Variants in GALNT18 observed in about 807,000 individuals in gnomAD.
GALNT18 encodes the protein GalNAc-transferase 18.
A neutral mutation model predicts 69.5 loss-of-function variants in GALNT18; 44 were observed. The ratio of observed to expected loss-of-function variants is 0.63; its 90% confidence interval spans 0.50 to 0.81. The LOEUF (loss-of-function observed/expected upper bound fraction) is 0.81, where lower values mean the gene tolerates loss of function less well. Ranked by LOEUF, GALNT18 falls within the 40% of genes least tolerant of loss-of-function variation. The probability of loss-of-function intolerance (pLI) is 0.00; values close to 1 mark genes in which losing one functional copy is unlikely to be tolerated. For missense variants in GALNT18, 715 were observed against 810.0 expected (o/e 0.88, Z 1.42); for synonymous variants, 364 against 318.2 (o/e 1.14, Z -1.53).
chr11:11,287,002 G>C (rs1049857707), intron 10 of GALNT18, among the ~76,000 whole-genome samples: 1 of 152,112 alleles, frequency 6.6e-6, no homozygotes, highest in Non-Finnish European at 1.5e-5. Context: ...TTGACAACCT[G>C]CTGATGGTCC....
chr11:11,282,058 ATTATAAAAGG>A lies in GALNT18; in HGVS notation c.1678-10778_1678-10769del, dbSNP rs562990504. Among the ~76,000 whole-genome samples the A allele has an allele frequency of 1.1e-3, 165 of 152,212 alleles. 1 individual carries two copies. The highest frequency in any genetic ancestry group is 3.9e-3 in the African/African-American group (160 of 41,468). On this transcript the variant is annotated intron_variant, in intron 10 of 10. Transcript: ENST00000227756. ...TTGATGCTGGAGCTCTTCAACAAAA[ATTATAAAAGG>A]TTAAAGTTTAAAACTTGCTTAAACT...
intron 1 of GALNT18, among the ~76,000 whole-genome samples, chr11:11,455,632 G>A (rs915891454): frequency 5.3e-5 from 8 of 152,114 alleles, no homozygotes; most frequent in African/African-American, 1.9e-4. Flanking sequence ...AGCATCCAGA[G>A]CCTCAGCAGG....
At chr11:11,458,555 C>G (rs1163841518) in intron 1 of GALNT18, among the ~76,000 whole-genome samples, 1 of 152,202 alleles carries the variant, frequency 6.6e-6, no homozygotes, top group Admixed American at 6.5e-5. Flanking sequence ...TGAGAAGTCA[C>G]CATTATTCCC....
At chr11:11,287,713 A>T (rs1357458836) in intron 10 of GALNT18, among the ~76,000 whole-genome samples, 1 of 152,172 alleles carries the variant, frequency 6.6e-6, no homozygotes, top group Non-Finnish European at 1.5e-5. Flanking sequence ...AACAGGAAAA[A>T]ATCACTGAAG....
intron 1 of GALNT18, among the ~76,000 whole-genome samples, chr11:11,517,790 C>T (rs1857314150): frequency 6.6e-6 from 1 of 152,126 alleles, no homozygotes; most frequent in African/African-American, 2.4e-5. Flanking sequence ...CTACCCCAGC[C>T]CCCAAGCTTC....
chr11:11,322,357 C>A (rs114460711), intron 9 of GALNT18, among the ~76,000 whole-genome samples: 1 of 152,204 alleles, frequency 6.6e-6, no homozygotes, highest in African/African-American at 2.4e-5. Flanking sequence ...GAACTGGCAG[C>A]CTCTGCTCAG....
At chr11:11,437,594 C>T (rs751993911) in intron 2 of GALNT18, among the ~76,000 whole-genome samples, 7 of 152,038 alleles carry the variant, frequency 4.6e-5, no homozygotes, top group Non-Finnish European at 7.4e-5. Flanking sequence ...AGGTAAAGCC[C>T]AGTTCTCGGC....
At position 11,497,987 on chromosome 11, in the gene GALNT18, T is replaced by C. The variant is rs1856901126; in HGVS notation, c.236-49051A>G. 6.6e-6 allele frequency among the ~76,000 whole-genome samples: 1 copy of C among 152,180 alleles called. No individual in the cohort carries two copies. Among genetic ancestry groups the C allele is most frequent in the Admixed American group, 6.5e-5 (1 of 15,284 alleles). ...TAAAATTATAATTCATGACTTTTTA[T>C]ATCATCTATGATTTCCAAATTTGGC... On this transcript the variant is annotated intron_variant, in intron 1 of 10. Coordinates refer to ENST00000227756, the MANE Select transcript of GALNT18 (RefSeq NM_198516.3). This position sits in a 1 kb window ranked among gnomAD's most constrained non-coding sequence, Gnocchi z 4.2.
chr11:11,499,871 C>A (rs1773474038), intron 1 of GALNT18, among the ~76,000 whole-genome samples: 1 of 152,198 alleles, frequency 6.6e-6, no homozygotes, highest in Admixed American at 6.5e-5. Context: ...GGGTCTCCAA[C>A]ACCAGGTATC....
At chr11:11,572,513 T>C (rs917601168) in intron 1 of GALNT18, among the ~76,000 whole-genome samples, 65 of 152,196 alleles carry the variant, frequency 4.3e-4, no homozygotes, top group African/African-American at 1.5e-3. Context: ...GGATGTGAAC[T>C]TGGGCATGAG....
At chr11:11,518,703 T>C (rs192256584) in intron 1 of GALNT18, among the ~76,000 whole-genome samples, 23 of 152,358 alleles carry the variant, frequency 1.5e-4, no homozygotes, top group Admixed American at 7.8e-4. Context: ...GGTCTCTGGC[T>C]TTTCATTAAG....
At chr11:11,376,157 T>A (rs1313594052) in intron 5 of GALNT18, among the ~76,000 whole-genome samples, 1 of 151,660 alleles carries the variant, frequency 6.6e-6, no homozygotes, top group Non-Finnish European at 1.5e-5. Context: ...CCGAGGCGGG[T>A]AGATCACGAG....
At chr11:11,554,126 C>A (rs1391921320) in intron 1 of GALNT18, among the ~76,000 whole-genome samples, 2 of 152,222 alleles carry the variant, frequency 1.3e-5, no homozygotes, top group African/African-American at 4.8e-5. Flanking sequence ...TGACTGGCGG[C>A]TTCTTCCCGA....
chr11:11,409,515 G>T (rs796066598), intron 3 of GALNT18, among the ~76,000 whole-genome samples: 16 of 152,138 alleles, frequency 1.1e-4, no homozygotes, highest in African/African-American at 3.9e-4. Context: ...GCTCAGCCAG[G>T]TCCTCTAGGG....
chr11:11,341,643 T>C lies in GALNT18; in HGVS notation c.1093-639A>G, dbSNP rs1456996330. Among the ~76,000 whole-genome samples, 1 of 152,230 alleles carries C rather than the reference T, an allele frequency of 6.6e-6. No homozygotes were observed. Among genetic ancestry groups the C allele is most frequent in the Non-Finnish European group, 1.5e-5 (1 of 68,048 alleles). ...AATTAGATTTTGAAAGATAAACCTTTGCATTCTAAGTGTTAATGGGCAGCA... is the reference window on the plus strand; with the variant it reads ...AATTAGATTTTGAAAGATAAACCTTCGCATTCTAAGTGTTAATGGGCAGCA... On this transcript the variant is annotated intron_variant, in intron 6 of 10. Transcript: ENST00000227756. This position sits in a 1 kb window ranked among gnomAD's most constrained non-coding sequence, Gnocchi z 6.3.
At chr11:11,299,327 G>A (rs1395274533) in intron 9 of GALNT18, among the ~76,000 whole-genome samples, 1 of 152,008 alleles carries the variant, frequency 6.6e-6, no homozygotes, top group Admixed American at 6.6e-5. Flanking sequence ...TTTACTTTTA[G>A]TAGGGACAGG....
chr11:11,350,710 A>G lies in GALNT18; in HGVS notation c.1093-9706T>C, dbSNP rs74685294. On this transcript the variant is annotated intron_variant, in intron 6 of 10. Transcript: ENST00000227756. The stretch of plus-strand genomic sequence containing the variant: ...CACTTCCCGGGGAAGGCAGGTGACT[A>G]TCCAGTGTGTCTCCTTAGGTGCACT... Among the ~76,000 whole-genome samples, 512 of 152,246 alleles carry G rather than the reference A, an allele frequency of 3.4e-3. 2 individuals are homozygous for G. The highest frequency in any genetic ancestry group is 0.012 in the African/African-American group (483 of 41,538).
At chr11:11,394,440 C>T (rs1854273925) in intron 3 of GALNT18, among the ~76,000 whole-genome samples, 1 of 152,296 alleles carries the variant, frequency 6.6e-6, no homozygotes, top group African/African-American at 2.4e-5. Context: ...AGCCAAAAAA[C>T]ATTAGGAAGT....
chr11:11,495,258 T>C lies in GALNT18; in HGVS notation c.236-46322A>G, dbSNP rs773881297. ...AAGAGCAGCATTTTTGCATGGTGTA[T>C]ACAGGAATGTTAGGTTAAACAAAGC... is the stretch of plus-strand genomic sequence containing the variant. On this transcript the variant is annotated intron_variant, in intron 1 of 10. Coordinates refer to ENST00000227756, the MANE Select transcript of GALNT18 (RefSeq NM_198516.3). Among the ~76,000 whole-genome samples, 3 of 152,274 alleles carry C rather than the reference T, an allele frequency of 2.0e-5. No homozygotes were observed. The South Asian group carries it at 6.2e-4, about 32-fold the overall frequency.
Sources: allele counts gnomAD v4.1 joint callset (sites outside exome capture counted in the v4.1 genomes callset), GRCh38; gene constraint gnomAD v4.1.1; non-coding constraint Gnocchi (gnomAD v3.1); transcripts MANE v1.5; gene names NCBI Gene and HGNC (gene_info 2026-07-23, HGNC 2026-07-21).